The following SCAMP2 variants were observed in gnomAD, a reference collection of about 807,000 sequenced individuals.
The protein encoded by SCAMP2 is secretory carrier-associated membrane protein 2.
In SCAMP2, 25 loss-of-function variants were observed where a neutral mutation model predicts 44.1. The observed-to-expected ratio is 0.57, with a 90% CI of 0.41 to 0.79. The LOEUF is 0.79. Ranked by LOEUF, SCAMP2 falls within the 30% of genes least tolerant of loss-of-function variation. SCAMP2 has a pLI of 0.00. For synonymous variants in SCAMP2, 156 were observed against 166.0 expected, an observed-to-expected ratio of 0.94 and a Z score of 0.46; for missense variants, 355 against 411.0, an observed-to-expected ratio of 0.86 and a Z score of 1.18.
chr15:74,854,384 T>C (rs1438822877), intron 2 of SCAMP2, among the ~76,000 whole-genome samples, 197 bp downstream of exon 2: 1 of 152,180 alleles, frequency 6.6e-6, no homozygotes, highest in Non-Finnish European at 1.5e-5. Context: ...CGGTCACAGA[T>C]CCCAAGGGGA....
chr15:74,848,961 C>G (rs985849705), intron 6 of SCAMP2, among the ~76,000 whole-genome samples: 2 of 151,996 alleles, frequency 1.3e-5, no homozygotes, highest in African/African-American at 4.8e-5. Flanking sequence ...AGTTGCTCCC[C>G]CAAAGGACAA....
chr15:74,863,363 C>G (rs2064521364), intron 1 of SCAMP2, among the ~76,000 whole-genome samples: 1 of 146,948 alleles, frequency 6.8e-6, no homozygotes, highest in Non-Finnish European at 1.5e-5. Context: ...AAAAAAAAAT[C>G]AGCCAGGTCT....
intron 1 of SCAMP2, among the ~76,000 whole-genome samples, chr15:74,854,919 G>A (rs1485981209): frequency 6.6e-6 from 1 of 151,028 alleles, no homozygotes; most frequent in Admixed American, 6.6e-5. Flanking sequence ...ACAGGCTCCT[G>A]TTGGTGCCCT....
chr15:74,845,674 G>C, intron 7 of SCAMP2, 81 bp from the exon 8 acceptor site: 1 of 1,549,380 alleles, frequency 6.5e-7, no homozygotes, highest in Non-Finnish European at 8.8e-7. Flanking sequence ...TCTCCAAGTG[G>C]CTGCTGTGTC....
At chr15:74,848,767 G>T in intron 6 of SCAMP2, 66 bp from the exon 7 acceptor site, 1 of 1,168,960 alleles carries the variant, frequency 8.6e-7, no homozygotes, top group South Asian at 1.3e-5. Context: ...TCCTTACTTG[G>T]TGTGACATCC....
intron 1 of SCAMP2, among the ~76,000 whole-genome samples, chr15:74,864,296 T>C (rs895702246): frequency 3.3e-5 from 5 of 152,078 alleles, no homozygotes; most frequent in African/African-American, 9.7e-5. Flanking sequence ...CTCCTGACCT[T>C]GTGATCCGTC....
intron 1 of SCAMP2, among the ~76,000 whole-genome samples, chr15:74,857,059 G>A (rs1195249483): frequency 2.6e-5 from 4 of 152,148 alleles, no homozygotes. Flanking sequence ...CATTGAATAT[G>A]TTCTCTGGTT....
At chr15:74,869,254 A>G (rs2064561049) in intron 1 of SCAMP2, among the ~76,000 whole-genome samples, 1 of 152,160 alleles carries the variant, frequency 6.6e-6, no homozygotes, top group Admixed American at 6.6e-5. Context: ...ATTACTCAGA[A>G]TATATATTGC....
Position 74,850,515 on chromosome 15 carries a change from T to C in SCAMP2, c.631A>G (p.Arg211Gly), listed in dbSNP as rs1350428059. 4 of 1,613,672 alleles carry C rather than the reference T, an allele frequency of 2.5e-6. No homozygotes were observed. Residue 211 changes from arginine (R) to glycine (G), a missense_variant and splice_region_variant, in exon 6 of 9, where the codon AGG becomes GGG. Arg to Gly is a moderately radical substitution (Grantham distance 125, BLOSUM62 -2). Coordinates refer to ENST00000268099, the MANE Select transcript of SCAMP2 (RefSeq NM_005697.5). The part of the protein sequence containing the change: ...CWYRPIYKAF[R>G]SDNSFSFFVF... ...ACCCCTTGCCCCGGCCTCACTCACC[T>C]AAAGGCCTTATAGATGGGTCGGTAC...
chr15:74,863,119 C>T (rs943001777), intron 1 of SCAMP2, among the ~76,000 whole-genome samples: 13 of 151,580 alleles, frequency 8.6e-5, no homozygotes, highest in Admixed American at 5.9e-4. Flanking sequence ...CTGAGGTGGA[C>T]GGATCACCTG....
intron 1 of SCAMP2, among the ~76,000 whole-genome samples, chr15:74,859,555 AG>A (rs936530907): frequency 4.6e-5 from 7 of 150,964 alleles, no homozygotes; most frequent in African/African-American, 1.2e-4. Flanking sequence ...AAAGGCAGTG[AG>A]GGAAGAGAGG....
chr15:74,859,108 T>C (rs2064486474), intron 1 of SCAMP2, among the ~76,000 whole-genome samples: 1 of 151,984 alleles, frequency 6.6e-6, no homozygotes, highest in South Asian at 2.1e-4. Flanking sequence ...TGCCCGGTCC[T>C]AACTGGCTTT....
intron 5 of SCAMP2, 106 bp downstream of exon 5, chr15:74,851,247 G>A (rs1386609695): frequency 6.8e-6 from 9 of 1,320,366 alleles, no homozygotes; most frequent in Admixed American, 1.9e-5. Context: ...GAAGGCTGGA[G>A]TCTGCTGAAA....
In SCAMP2 at chr15:74,847,086, A is replaced by ATTTTTTTTTTTTTTTTTTTTTTTT. The variant is rs34231883; in HGVS notation, c.735-1494_735-1493insAAAAAAAAAAAAAAAAAAAAAAAA. On this transcript the variant is annotated intron_variant, in intron 7 of 8. Coordinates refer to ENST00000268099, the MANE Select transcript of SCAMP2 (RefSeq NM_005697.5). ...AAACCCATACACCTATTGTCAGTTA[A>ATTTTTTTTTTTTTTTTTTTTTTTT]TTTTTTTTTTTTTTTTTTTTTTTGA... 5.5e-5 allele frequency among the ~76,000 whole-genome samples: 6 copies of ATTTTTTTTTTTTTTTTTTTTTTTT among 109,280 alleles called. 2 individuals carry two copies. The highest frequency in any genetic ancestry group is 7.1e-5 in the Non-Finnish European group (4 of 56,228). The allele number at this position is 109,280 out of a possible 152,430, so 71.7% of individuals were successfully genotyped here. A position where few individuals can be genotyped will look rare whatever the true frequency, so the allele number is the denominator to read the frequency against.
intron 1 of SCAMP2, among the ~76,000 whole-genome samples, chr15:74,855,621 C>G (rs1808852566): frequency 6.7e-6 from 1 of 149,062 alleles, no homozygotes; most frequent in Admixed American, 6.8e-5. Context: ...GAGACTGAGG[C>G]AGGAGAATCA....
chr15:74,844,880 T>G lies in SCAMP2; in HGVS notation c.*203A>C, dbSNP rs991886801. The stretch of plus-strand genomic sequence containing the variant: ...CACCAGAGAAGGAAAGAGAGCTTTG[T>G]TTTTTTTTGTACATAGAGGGGGAAA... On this transcript the variant is annotated 3_prime_UTR_variant, in exon 9 of 9. Transcript: ENST00000268099. 11 of 514,042 alleles carry G rather than the reference T, an allele frequency of 2.1e-5. No homozygotes were observed. The highest frequency in any genetic ancestry group is 6.7e-5 in the Admixed American group (2 of 29,910). The allele number at this position is 514,042 out of a possible 1,614,324, so 31.8% of individuals were successfully genotyped here.
intron 3 of SCAMP2, chr15:74,853,435 G>C (rs1018254965): frequency 2.2e-6 from 1 of 456,474 alleles, no homozygotes; most frequent in Non-Finnish European, 4.4e-6. Context: ...CTGCCTCTCT[G>C]AGAGCTCGCT....
At chr15:74,852,243 C>T in intron 3 of SCAMP2, 57 bp from the exon 4 acceptor site, 1 of 1,285,630 alleles carries the variant, frequency 7.8e-7, no homozygotes, top group East Asian at 2.8e-5. Context: ...GAAACAGTGT[C>T]AGCCTGGGTA....
At chr15:74,853,713 A>T in intron 3 of SCAMP2, 1 of 467,840 alleles carries the variant, frequency 2.1e-6, no homozygotes. Flanking sequence ...AACAAGCCAA[A>T]GGCCCGAGGA....
Sources: gnomAD v4.1 joint callset for allele counts (sites outside exome capture counted in the v4.1 genomes callset) on GRCh38, gnomAD v4.1.1 for gene constraint, MANE v1.5 for transcripts, NCBI Gene and HGNC (gene_info 2026-07-23, HGNC 2026-07-21) for gene names.